Variants in SPATA13 observed in about 807,000 individuals in gnomAD.
The protein encoded by SPATA13 is spermatogenesis associated 13.
Under a neutral mutation model 104.0 loss-of-function variants are expected in SPATA13, and 50 were observed. The ratio of observed to expected loss-of-function variants is 0.48; its 90% confidence interval spans 0.38 to 0.61. SPATA13 has a LOEUF of 0.61. Ranked by LOEUF, SPATA13 falls within the 20% of genes least tolerant of loss-of-function variation. The pLI, the probability that SPATA13 is intolerant of heterozygous loss-of-function variation, is 0.00. For missense variants in SPATA13, 1,524 were observed against 1,690.6 expected, an observed-to-expected ratio of 0.90 and a Z score of 1.73; for synonymous variants, 606 against 667.5, an observed-to-expected ratio of 0.91 and a Z score of 1.42.
At chr13:24,178,893 TC>T (rs1002727496) in intron 1 of SPATA13, among the ~76,000 whole-genome samples, 1 of 152,196 alleles carries the variant, frequency 6.6e-6, no homozygotes, top group Admixed American at 6.5e-5. Flanking sequence ...GACATTTTCA[TC>T]CCCTCCGAAA....
chr13:24,302,801 T>C lies in SPATA13; in HGVS notation c.*28T>C, dbSNP rs970259811. On this transcript the variant is annotated 3_prime_UTR_variant, in exon 13 of 13. Transcript: ENST00000382108. Reference sequence around the variant, plus strand: ...ACAGGAGGCTGTGCTTCCATGGAGCTGGGTGTCAAGAGAAGAACTGTCTTT... The same window carrying C: ...ACAGGAGGCTGTGCTTCCATGGAGCCGGGTGTCAAGAGAAGAACTGTCTTT... 6.2e-7 allele frequency: 1 copy of C among 1,613,844 alleles called. No homozygotes were observed. The highest frequency in any genetic ancestry group is 1.3e-5 in the African/African-American group (1 of 74,920).
chr13:24,053,833 A>T lies in SPATA13; in HGVS notation c.-112+36132A>T, dbSNP rs577359570. ...ATGGCTGTTTGAAACCAACAGAACC[A>T]TTCACATTTTCAGGAATGGATTCTT... is the stretch of plus-strand genomic sequence containing the variant. On this transcript the variant is annotated intron_variant, in intron 3 of 14. Coordinates refer to the SPATA13 transcript ENST00000424834. 2.6e-5 allele frequency among the ~76,000 whole-genome samples: 4 copies of T among 152,346 alleles called. No homozygotes were observed. The South Asian group carries it at 8.3e-4, about 32-fold the overall frequency.
intron 1 of SPATA13, among the ~76,000 whole-genome samples, chr13:23,981,743 C>G (rs1481709192): frequency 1.3e-5 from 2 of 152,194 alleles, no homozygotes. Flanking sequence ...GCCAGTCAGG[C>G]TCAAGATCCA....
intron 2 of SPATA13, among the ~76,000 whole-genome samples, chr13:24,241,217 G>A (rs1173307311): frequency 6.6e-6 from 1 of 152,188 alleles, no homozygotes; most frequent in African/African-American, 2.4e-5. Context: ...TTACCTACAA[G>A]CCATAGAAAG....
intron 1 of SPATA13, among the ~76,000 whole-genome samples, chr13:24,190,098 TACA>T (rs1246278434): frequency 2.4e-5 from 2 of 81,798 alleles, no homozygotes; most frequent in East Asian, 4.0e-4. Context: ...TATAATGATA[TACA>T]ATATATATTA....
chr13:24,087,054 T>C (rs751485113), intron 3 of SPATA13, among the ~76,000 whole-genome samples: 2 of 152,250 alleles, frequency 1.3e-5, no homozygotes, highest in Admixed American at 6.5e-5. Flanking sequence ...CAGTGGCAGT[T>C]GCTCTCATGG....
chr13:24,281,785 C>G (rs1875542031), intron 4 of SPATA13, among the ~76,000 whole-genome samples: 1 of 152,136 alleles, frequency 6.6e-6, no homozygotes, highest in African/African-American at 2.4e-5. Flanking sequence ...GGGAGGTGGC[C>G]TGAGCACAGT....
chr13:24,202,049 G>A lies in SPATA13; in HGVS notation c.-111-20770G>A, dbSNP rs188300531. ...CTTAGTAGCTCATTTCTCCAGCCTG[G>A]GGGACAGAGCAAGACTCTGTCTAAA... On this transcript the variant is annotated intron_variant, in intron 1 of 12. Coordinates refer to ENST00000382108, the MANE Select transcript of SPATA13 (RefSeq NM_001166271.3). Among the ~76,000 whole-genome samples the A allele has an allele frequency of 2.7e-5, 4 of 150,716 alleles. No individual in the cohort carries two copies. In the East Asian group the frequency reaches 7.8e-4, roughly 30 times the overall value.
chr13:24,256,993 C>G lies in SPATA13; in HGVS notation c.2164+5131C>G, dbSNP rs569243594. On this transcript the variant is annotated intron_variant, in intron 4 of 12. Transcript: ENST00000382108. ...CGCCTTTGCTTTGCTTTCAGTGAAG[C>G]TTTTCTCTTTCATTTGAGACAACTT... Among the ~76,000 whole-genome samples, 5 of 152,314 alleles carry G rather than the reference C, an allele frequency of 3.3e-5. No individual in the cohort carries two copies. The East Asian group carries it at 9.6e-4, about 29-fold the overall frequency.
intron 3 of SPATA13, among the ~76,000 whole-genome samples, chr13:24,039,613 A>G (rs1379151342): frequency 1.3e-5 from 2 of 151,996 alleles, no homozygotes; most frequent in Non-Finnish European, 2.9e-5. Context: ...GTCGTTTCTT[A>G]GTTCTTGCTC....
At chr13:24,226,160 A>G (rs976265247) in intron 2 of SPATA13, among the ~76,000 whole-genome samples, 9 of 152,214 alleles carry the variant, frequency 5.9e-5, no homozygotes, top group Non-Finnish European at 1.2e-4. Context: ...AAAGGCATCA[A>G]GGAAGTTCTC....
intron 3 of SPATA13, among the ~76,000 whole-genome samples, chr13:24,066,526 A>C (rs910228179): frequency 2.0e-5 from 3 of 152,178 alleles, no homozygotes; most frequent in African/African-American, 7.2e-5. Flanking sequence ...ACCCTGGGAC[A>C]AACCTGTCTT....
At chr13:24,218,255 A>T (rs2138601340) in intron 1 of SPATA13, among the ~76,000 whole-genome samples, 1 of 152,278 alleles carries the variant, frequency 6.6e-6, no homozygotes, top group South Asian at 2.1e-4. Flanking sequence ...GCTGGGAATG[A>T]GGCACCAGCC....
At chr13:24,013,951 C>T (rs1277876794) in intron 2 of SPATA13, among the ~76,000 whole-genome samples, 1 of 152,182 alleles carries the variant, frequency 6.6e-6, no homozygotes, top group African/African-American at 2.4e-5. Flanking sequence ...AGCTGTTGTG[C>T]TGTACTGACT....
At chr13:24,217,596 G>A (rs1370192242) in intron 1 of SPATA13, among the ~76,000 whole-genome samples, 1 of 152,198 alleles carries the variant, frequency 6.6e-6, no homozygotes. Flanking sequence ...GGGCAGTGTG[G>A]GAAACATTAG....
In SPATA13 at chr13:24,036,817, G is replaced by C. The variant is rs111973132; in HGVS notation, c.-112+19116G>C. 1.5e-3 allele frequency among the ~76,000 whole-genome samples: 229 copies of C among 151,982 alleles called. 4 individuals are homozygous for C. Among genetic ancestry groups the C allele is most frequent in the African/African-American group, 5.4e-3 (223 of 41,420 alleles). The stretch of plus-strand genomic sequence containing the variant: ...TTAGTAAATGCTGTCAATTTTTATT[G>C]ATTGATTGATTGAGATGGCACAATC... On this transcript the variant is annotated intron_variant, in intron 3 of 14. Transcript: ENST00000424834.
intron 4 of SPATA13, among the ~76,000 whole-genome samples, chr13:24,274,939 G>T (rs1314300846): frequency 6.6e-6 from 1 of 152,112 alleles, no homozygotes; most frequent in African/African-American, 2.4e-5. Context: ...TGATGTTTAA[G>T]GGCTGTGTTA....
At chr13:24,154,226 T>C (rs547850628) in intron 3 of SPATA13, among the ~76,000 whole-genome samples, 1 of 152,220 alleles carries the variant, frequency 6.6e-6, no homozygotes, top group Non-Finnish European at 1.5e-5. Context: ...AGTGTGATTT[T>C]TTTTCCACTA....
chr13:24,170,051 A>G (rs1882905162), intron 1 of SPATA13, among the ~76,000 whole-genome samples: 1 of 152,208 alleles, frequency 6.6e-6, no homozygotes, highest in Admixed American at 6.5e-5. Flanking sequence ...TAGGCAGTAC[A>G]CAGAAGTGAG....
Sources: allele counts gnomAD v4.1 joint callset (sites outside exome capture counted in the v4.1 genomes callset), GRCh38; gene constraint gnomAD v4.1.1; transcripts MANE v1.5; gene names NCBI Gene and HGNC (gene_info 2026-07-23, HGNC 2026-07-21).